Variants in UBE2E1 observed in about 807,000 individuals in gnomAD.
The protein encoded by UBE2E1 is ubiquitin conjugating enzyme E2 E1, also known as ubiquitin-conjugating enzyme E2 E1.
In UBE2E1, 6 loss-of-function variants were observed where a neutral mutation model predicts 21.4. The observed-to-expected ratio is 0.28, with a 90% CI of 0.15 to 0.55. The LOEUF (loss-of-function observed/expected upper bound fraction) is 0.55, where lower values mean the gene tolerates loss of function less well. Among genes scored for constraint, UBE2E1 ranks in the 20% least tolerant of loss-of-function variants. The probability of loss-of-function intolerance (pLI) is 0.93; values close to 1 mark genes in which losing one functional copy is unlikely to be tolerated. For missense variants in UBE2E1, 142 were observed against 236.5 expected (o/e 0.60, Z 2.62); for synonymous variants, 87 against 82.7 (o/e 1.05, Z -0.28).
intron 3 of UBE2E1, among the ~76,000 whole-genome samples, chr3:23,828,693 A>T (rs1439020674): frequency 6.6e-6 from 1 of 152,244 alleles, no homozygotes; most frequent in Non-Finnish European, 1.5e-5. Flanking sequence ...AGTGTGATAG[A>T]TGCTTTCAAT....
intron 3 of UBE2E1, among the ~76,000 whole-genome samples, chr3:23,815,631 A>G (rs1166237283): frequency 6.6e-6 from 1 of 152,204 alleles, no homozygotes; most frequent in African/African-American, 2.4e-5. Context: ...GCTGCTCATC[A>G]TGGTTCACAA....
At chr3:23,877,971 C>T (rs1301992137) in intron 3 of UBE2E1, among the ~76,000 whole-genome samples, 2 of 152,138 alleles carry the variant, frequency 1.3e-5, no homozygotes, top group Non-Finnish European at 2.9e-5. Context: ...CTGTTGCTAC[C>T]CTGCCCCTGC....
chr3:23,869,419 C>CTGTGTGTGTGTGTGTG (rs4024641), intron 3 of UBE2E1, among the ~76,000 whole-genome samples: 53 of 132,564 alleles, frequency 4.0e-4, no homozygotes, highest in African/African-American at 1.3e-3. Context: ...TGGTCTTTTC[C>CTGTGTGTGTGTGTGTG]TGTGTGTGTG....
At chr3:23,866,631 A>C (rs2125316706) in intron 3 of UBE2E1, 1 of 151,584 alleles carries the variant, frequency 6.6e-6, no homozygotes, top group African/African-American at 2.4e-5. Flanking sequence ...TTTGGTTTTC[A>C]TTAAGGTGGG....
intron 3 of UBE2E1, among the ~76,000 whole-genome samples, chr3:23,839,665 G>GA (rs1320122362): frequency 6.6e-6 from 1 of 151,616 alleles, no homozygotes; most frequent in Admixed American, 6.6e-5. Flanking sequence ...TATTATGTCT[G>GA]AAAAAAATCT....
intron 3 of UBE2E1, among the ~76,000 whole-genome samples, chr3:23,821,608 T>C (rs978068921): frequency 4.6e-5 from 7 of 152,150 alleles, no homozygotes. Context: ...AGTGGAGATA[T>C]GGTAGAACAC....
intron 3 of UBE2E1, among the ~76,000 whole-genome samples, chr3:23,848,619 A>C (rs72627024): frequency 0.012 from 1,848 of 152,300 alleles, 88 homozygotes; most frequent in Admixed American, 0.074. Flanking sequence ...AATACAATAT[A>C]CTTAAATGCC....
chr3:23,823,326 T>C lies in UBE2E1; in HGVS notation c.203+11816T>C, dbSNP rs1187513173. Among the ~76,000 whole-genome samples, 1 of 152,254 alleles carries C rather than the reference T, an allele frequency of 6.6e-6. No individual in the cohort carries two copies. The highest frequency in any genetic ancestry group is 1.5e-5 in the Non-Finnish European group (1 of 68,048). On this transcript the variant is annotated intron_variant, in intron 3 of 5. Transcript: ENST00000306627. The surrounding 1 kb of genome is among the most constrained non-coding windows in gnomAD (Gnocchi z 4.2). ...CTTACCTTGATAATTGAGGGTAGAATTAAGAAAGTTTTAGGATTAGGAATC... is the reference window on the plus strand; with the variant it reads ...CTTACCTTGATAATTGAGGGTAGAACTAAGAAAGTTTTAGGATTAGGAATC...
intron 3 of UBE2E1, among the ~76,000 whole-genome samples, chr3:23,832,430 A>G (rs1699886909): frequency 6.6e-6 from 1 of 152,108 alleles, no homozygotes; most frequent in South Asian, 2.1e-4. Context: ...AGATCACCTG[A>G]GCTCGGGAGT....
rs1470492097 is a variant in UBE2E1, at chr3:23,891,572, T to G, written c.*966T>G. 6.6e-6 allele frequency: 1 copy of G among 152,216 alleles called. No individual in the cohort carries two copies. The highest frequency in any genetic ancestry group is 1.5e-5 in the Non-Finnish European group (1 of 68,032). 9.4% of individuals were successfully genotyped at this position (152,216 alleles called of 1,614,324 possible). A position where few individuals can be genotyped will look rare whatever the true frequency, so the allele number is the denominator to read the frequency against. ...TTAAAAGCATTTTCTGACTTGCAGATGCTGTAGTAGCAAGTACATGAGAAA... is the reference window on the plus strand; with the variant it reads ...TTAAAAGCATTTTCTGACTTGCAGAGGCTGTAGTAGCAAGTACATGAGAAA... On this transcript the variant is annotated 3_prime_UTR_variant, in exon 6 of 6. Transcript: ENST00000306627.
chr3:23,876,204 T>G lies in UBE2E1; in HGVS notation c.204-11363T>G, dbSNP rs1700910842. On this transcript the variant is annotated intron_variant, in intron 3 of 5. Transcript: ENST00000306627. This position sits in a 1 kb window ranked among gnomAD's most constrained non-coding sequence, Gnocchi z 4.3. Reference sequence around the variant, plus strand: ...CCTCACAGTACCAGAGCCTCTTCCTTTCCTCTTCCCCTCACCTTAGGTGAG... The same window carrying G: ...CCTCACAGTACCAGAGCCTCTTCCTGTCCTCTTCCCCTCACCTTAGGTGAG... 6.6e-6 allele frequency among the ~76,000 whole-genome samples: 1 copy of G among 152,212 alleles called. No homozygotes were observed. The highest frequency in any genetic ancestry group is 2.4e-5 in the African/African-American group (1 of 41,458).
chr3:23,860,222 A>G (rs1463250722), intron 3 of UBE2E1, among the ~76,000 whole-genome samples: 2 of 152,072 alleles, frequency 1.3e-5, no homozygotes, highest in Non-Finnish European at 2.9e-5. Context: ...GAACGTTCTG[A>G]CCCGCTCAGG....
intron 3 of UBE2E1, among the ~76,000 whole-genome samples, chr3:23,857,022 G>A (rs1310723683): frequency 1.4e-5 from 2 of 147,616 alleles, no homozygotes; most frequent in Non-Finnish European, 3.0e-5. Context: ...AAAAAAAAGA[G>A]AGAGAATGAG....
intron 3 of UBE2E1, among the ~76,000 whole-genome samples, chr3:23,872,249 T>C (rs1475880288): frequency 6.6e-6 from 1 of 151,918 alleles, no homozygotes; most frequent in Non-Finnish European, 1.5e-5. Context: ...GGCGCGCGCC[T>C]GCAATCACAG....
intron 3 of UBE2E1, among the ~76,000 whole-genome samples, chr3:23,871,081 C>G (rs986462082): frequency 1.3e-5 from 2 of 151,896 alleles, no homozygotes; most frequent in Non-Finnish European, 2.9e-5. Context: ...CTACCTCTTT[C>G]TACACAGACA....
intron 3 of UBE2E1, among the ~76,000 whole-genome samples, chr3:23,883,980 A>G (rs1485932797): frequency 2.6e-5 from 4 of 151,636 alleles, no homozygotes; most frequent in Non-Finnish European, 5.9e-5. Flanking sequence ...AAGACCATTC[A>G]CAGTAATTCC....
intron 3 of UBE2E1, among the ~76,000 whole-genome samples, chr3:23,877,150 T>C (rs1177813643): frequency 2.0e-5 from 3 of 152,246 alleles, no homozygotes; most frequent in Admixed American, 1.3e-4. Context: ...GTCTGATGTC[T>C]GCATTTCTAA....
chr3:23,872,074 C>G (rs1007450007), intron 3 of UBE2E1, among the ~76,000 whole-genome samples: 1 of 152,144 alleles, frequency 6.6e-6, no homozygotes, highest in Non-Finnish European at 1.5e-5. Context: ...GCGCTCCAGC[C>G]TGGGCACCAT....
At chr3:23,813,189 T>C (rs1699440592) in intron 3 of UBE2E1, among the ~76,000 whole-genome samples, 1 of 152,180 alleles carries the variant, frequency 6.6e-6, no homozygotes, top group Non-Finnish European at 1.5e-5. Context: ...TGTTGGGTGA[T>C]TGGTGTTACG....
Sources: gnomAD v4.1 joint callset for allele counts (sites outside exome capture counted in the v4.1 genomes callset) on GRCh38, gnomAD v4.1.1 for gene constraint, Gnocchi (gnomAD v3.1) non-coding constraint, MANE v1.5 for transcripts, NCBI Gene and HGNC (gene_info 2026-07-23, HGNC 2026-07-21) for gene names.